PPARGC1B: variants seen among roughly 807,000 people sequenced by gnomAD.
The protein encoded by PPARGC1B is peroxisome proliferator-activated receptor gamma coactivator 1-beta.
In PPARGC1B, 34 loss-of-function variants were observed where a neutral mutation model predicts 101.6. That is an observed-to-expected ratio of 0.33 (90% confidence interval 0.25 to 0.45). The LOEUF is 0.45. Among genes scored for constraint, PPARGC1B ranks in the 20% least tolerant of loss-of-function variants. The probability of loss-of-function intolerance (pLI) is 1.00; values close to 1 mark genes in which losing one functional copy is unlikely to be tolerated. For missense variants in PPARGC1B, 1,234 were observed against 1,317.6 expected (o/e 0.94, Z 0.98); for synonymous variants, 548 against 539.3 (o/e 1.02, Z -0.22).
intron 1 of PPARGC1B, among the ~76,000 whole-genome samples, chr5:149,807,134 ATTT>A (rs113728426): frequency 7.2e-6 from 1 of 138,914 alleles, no homozygotes; most frequent in Non-Finnish European, 1.6e-5. Flanking sequence ...CAATTTTTGT[ATTT>A]TTTTTTTTTT....
Position 149,842,263 on chromosome 5 carries a change from G to C in PPARGC1B, c.2702G>C (p.Gly901Ala), listed in dbSNP as rs1316681805. 6.2e-7 allele frequency: 1 copy of C among 1,613,466 alleles called. No individual in the cohort carries two copies. Among genetic ancestry groups the C allele is most frequent in the Non-Finnish European group, 8.5e-7 (1 of 1,179,936 alleles). The change falls in exon 10 of 12, where the codon GGC (glycine) becomes GCC (alanine). Residue 901 changes from glycine to alanine, a missense_variant. Gly to Ala is a moderately conservative substitution (Grantham distance 60). Coordinates refer to ENST00000309241, the MANE Select transcript of PPARGC1B (RefSeq NM_133263.4). ...GTCCTCCTTCTTGGGCAGGGGGAAGGCCGCGTGGTGTACATTCAAAATCTC... is the reference window on the plus strand; with the variant it reads ...GTCCTCCTTCTTGGGCAGGGGGAAGCCCGCGTGGTGTACATTCAAAATCTC... Reference protein sequence around the residue: ...RKRREKAIGEGRVVYIQNLSS... With the variant: ...RKRREKAIGEARVVYIQNLSS...
rs575847747 is a variant in PPARGC1B, at chr5:149,784,319, C to T, written c.79-36114C>T. Among the ~76,000 whole-genome samples the T allele has an allele frequency of 1.5e-4, 23 of 152,154 alleles. No individual in the cohort carries two copies. The East Asian group carries it at 1.7e-3, about 12-fold the overall frequency. On this transcript the variant is annotated intron_variant, in intron 1 of 11. Transcript: ENST00000309241. ...CCACTCAGAGGCCACGCTCTCACAA[C>T]GGCCTGTGAAGCAGCCACCTCATGG...
chr5:149,732,793 G>C (rs1266852245), intron 1 of PPARGC1B: 1 of 474,562 alleles, frequency 2.1e-6, no homozygotes, highest in Non-Finnish European at 4.4e-6. Context: ...GCTTGTATGG[G>C]ACCATGCAGC....
chr5:149,746,202 G>A (rs539559739), intron 1 of PPARGC1B, among the ~76,000 whole-genome samples: 1 of 152,118 alleles, frequency 6.6e-6, no homozygotes, highest in South Asian at 2.1e-4. Context: ...TCCCTCTGCC[G>A]GCAACGCTCT....
rs1344087616 is a variant in PPARGC1B at position 149,837,418 on chromosome 5, T to C, written c.2618+345T>C. Among the ~76,000 whole-genome samples the C allele has an allele frequency of 1.3e-5, 2 of 152,224 alleles. No individual in the cohort carries two copies. Among genetic ancestry groups the C allele is most frequent in the Admixed American group, 1.3e-4 (2 of 15,294 alleles). On this transcript the variant is annotated intron_variant, in intron 8 of 11. Transcript: ENST00000309241. The surrounding 1 kb of genome is among the most constrained non-coding windows in gnomAD (Gnocchi z 4.2). Reference sequence around the variant, plus strand: ...ACTTTTTGCTTTTATGTTTGTAAAATGGATAAGTTTTTGTGCAAACATACC... The same window carrying C: ...ACTTTTTGCTTTTATGTTTGTAAAACGGATAAGTTTTTGTGCAAACATACC...
chr5:149,855,466 C>T (rs576934765), downstream of PPARGC1B, among the ~76,000 whole-genome samples: 187 of 152,218 alleles, frequency 1.2e-3, 1 homozygote, highest in African/African-American at 4.2e-3. Context: ...CACATAAGCA[C>T]ATTGAATAAA....
At position 149,769,994 on chromosome 5, in the gene PPARGC1B, G is replaced by T. The variant is rs564382615; in HGVS notation, c.78+39574G>T. ...GTAAGGTAGTATCTTCTCAGGTTTG[G>T]GAGATCAGGACGTGGACATCTGTGG... On this transcript the variant is annotated intron_variant, in intron 1 of 11. Transcript: ENST00000309241. Among the ~76,000 whole-genome samples the T allele has an allele frequency of 2.9e-3, 447 of 152,182 alleles. 2 individuals are homozygous for T. Among genetic ancestry groups the T allele is most frequent in the African/African-American group, 1.0e-2 (415 of 41,518 alleles).
downstream of PPARGC1B, among the ~76,000 whole-genome samples, chr5:149,857,023 C>A (rs533512094): frequency 1.3e-5 from 2 of 152,068 alleles, no homozygotes; most frequent in Non-Finnish European, 2.9e-5. Flanking sequence ...CCATCCACCT[C>A]GGCCTCCCAA....
At chr5:149,801,375 A>C (rs1273988487) in intron 1 of PPARGC1B, among the ~76,000 whole-genome samples, 1 of 152,196 alleles carries the variant, frequency 6.6e-6, no homozygotes, top group Non-Finnish European at 1.5e-5. Flanking sequence ...AAGTAGAGTG[A>C]AGGATGAATA....
intron 1 of PPARGC1B, among the ~76,000 whole-genome samples, chr5:149,768,462 GA>G: frequency 4.0e-5 from 2 of 49,670 alleles, no homozygotes; most frequent in African/African-American, 1.0e-4. Flanking sequence ...TTTTTTTTTT[GA>G]GACAGAGTCT....
chr5:149,823,264 A>G (rs978901168), intron 2 of PPARGC1B, among the ~76,000 whole-genome samples: 1 of 152,154 alleles, frequency 6.6e-6, no homozygotes, highest in Non-Finnish European at 1.5e-5. Flanking sequence ...GGACAAATCA[A>G]TCTGTTGAGG....
chr5:149,841,395 G>A (rs1280055094), intron 9 of PPARGC1B, among the ~76,000 whole-genome samples: 1 of 152,182 alleles, frequency 6.6e-6, no homozygotes, highest in Admixed American at 6.5e-5. Context: ...GTTGTGGGAT[G>A]TACAGTTCCC....
chr5:149,773,525 C>G (rs2113196757), intron 1 of PPARGC1B, among the ~76,000 whole-genome samples: 1 of 152,334 alleles, frequency 6.6e-6, no homozygotes, highest in Non-Finnish European at 1.5e-5. Flanking sequence ...GCTGGTTGCT[C>G]TGTTCTAGCC....
chr5:149,730,862 C>T lies in PPARGC1B; in HGVS notation c.78+442C>T, dbSNP rs767012540. Among the ~76,000 whole-genome samples, 1 of 152,234 alleles carries T rather than the reference C, an allele frequency of 6.6e-6. No homozygotes were observed. Among genetic ancestry groups the T allele is most frequent in the Non-Finnish European group, 1.5e-5 (1 of 68,038 alleles). On this transcript the variant is annotated intron_variant, in intron 1 of 11. Coordinates refer to ENST00000309241, the MANE Select transcript of PPARGC1B (RefSeq NM_133263.4). This position sits in a 1 kb window ranked among gnomAD's most constrained non-coding sequence, Gnocchi z 4.0. ...GGGTGCATGCCCGGGTCTCCGGAGT[C>T]CCCTAGTCCTCCAGGCTGTAGTCCC...
rs1758912547 is a variant in PPARGC1B, at chr5:149,833,580, C to T, written c.1507C>T (p.Gln503Ter). 1.2e-6 allele frequency: 2 copies of T among 1,600,754 alleles called. No individual in the cohort carries two copies. Among genetic ancestry groups the T allele is most frequent in the African/African-American group, 1.3e-5 (1 of 74,664 alleles). Residue 503 changes from glutamine to a stop codon, truncating the protein, a stop_gained, in exon 5 of 12, where the codon CAA becomes TAA. Coordinates refer to ENST00000309241, the MANE Select transcript of PPARGC1B (RefSeq NM_133263.4). LOFTEE classifies it high-confidence loss of function. The surrounding 1 kb of genome is among the most constrained non-coding windows in gnomAD (Gnocchi z 4.1). ...TGAGCCGCTGGTCCCCTCGGAGCCC[C>T]AAGGTGCTCTGCCCTCACTGTGCCT... ...ADEPLVPSEPQGALPSLCLAP... is the reference protein window; with the variant it reads ...ADEPLVPSEP
intron 1 of PPARGC1B, among the ~76,000 whole-genome samples, chr5:149,748,318 GA>G (rs1561850526): frequency 5.0e-4 from 36 of 72,614 alleles, no homozygotes; most frequent in African/African-American, 2.3e-3. Context: ...TATAGATATA[GA>G]TATATCTATA....
intron 1 of PPARGC1B, among the ~76,000 whole-genome samples, chr5:149,808,275 C>T (rs1215651690): frequency 6.6e-6 from 1 of 152,178 alleles, no homozygotes; most frequent in Non-Finnish European, 1.5e-5. Context: ...AGCCCCAGCT[C>T]CACCTCCCAA....
intron 1 of PPARGC1B, among the ~76,000 whole-genome samples, chr5:149,756,764 C>A (rs1331311068): frequency 1.3e-5 from 2 of 152,092 alleles, no homozygotes; most frequent in Non-Finnish European, 1.5e-5. Flanking sequence ...GTCCCTCGTC[C>A]CCCAACAAGG....
intron 2 of PPARGC1B, among the ~76,000 whole-genome samples, chr5:149,822,754 T>C (rs1408201194): frequency 2.6e-5 from 4 of 152,232 alleles, no homozygotes; most frequent in Non-Finnish European, 5.9e-5. Context: ...AACAACACTT[T>C]ATTCATCTCT....
Sources: gnomAD v4.1 joint callset for allele counts (sites outside exome capture counted in the v4.1 genomes callset) on GRCh38, gnomAD v4.1.1 for gene constraint, Gnocchi (gnomAD v3.1) non-coding constraint, MANE v1.5 for transcripts, NCBI Gene and HGNC (gene_info 2026-07-23, HGNC 2026-07-21) for gene names.